The following ANKRD27 variants were observed in gnomAD, a reference collection of about 807,000 sequenced individuals.
ANKRD27 encodes ankyrin repeat domain 27.
In ANKRD27, 112 loss-of-function variants were observed where a neutral mutation model predicts 129.7. That is an observed-to-expected ratio of 0.86 (90% CI 0.74 to 1.01). The LOEUF is 1.01. ANKRD27 is among the 50% of genes least tolerant of loss of function. The pLI, the probability that ANKRD27 is intolerant of heterozygous loss-of-function variation, is 0.00. For missense variants in ANKRD27, 1,258 were observed against 1,300.5 expected, an observed-to-expected ratio of 0.97 and a Z score of 0.50; for synonymous variants, 516 against 511.2, an observed-to-expected ratio of 1.01 and a Z score of -0.13.
chr19:32,636,754 A>G (rs1338756340), intron 12 of ANKRD27, among the ~76,000 whole-genome samples: 1 of 150,124 alleles, frequency 6.7e-6, no homozygotes, highest in Non-Finnish European at 1.5e-5. Flanking sequence ...TTATATATAT[A>G]TACACATATT....
chr19:32,614,080 C>T (rs372108814), intron 22 of ANKRD27, among the ~76,000 whole-genome samples: 2 of 151,710 alleles, frequency 1.3e-5, no homozygotes, highest in Admixed American at 6.6e-5. Context: ...GTGGGGTGGG[C>T]GTGGCAGGGA....
intron 1 of ANKRD27, among the ~76,000 whole-genome samples, chr19:32,666,985 G>A (rs142464912): frequency 6.6e-6 from 1 of 152,244 alleles, no homozygotes; most frequent in African/African-American, 2.4e-5. Flanking sequence ...CCACCTCTCT[G>A]AGCCTCCATC....
chr19:32,605,779 AG>A lies in ANKRD27; in HGVS notation c.2493+55del. The A allele has an allele frequency of 5.0e-6, 8 of 1,595,864 alleles. No homozygotes were observed. The South Asian group carries it at 7.8e-5, about 16-fold the overall frequency. On this transcript the variant is annotated intron_variant, in intron 24 of 28. Coordinates refer to ENST00000306065, the MANE Select transcript of ANKRD27 (RefSeq NM_032139.3). Reference sequence around the variant, plus strand: ...GTGCGCTGCGGGGGTCGCTGGGTGGAGGCGCCCTGTTAACTGGCGCAGGTGT... The same window carrying A: ...GTGCGCTGCGGGGGTCGCTGGGTGGAGCGCCCTGTTAACTGGCGCAGGTGT...
At chr19:32,635,617 C>T (rs1208290565) in intron 12 of ANKRD27, among the ~76,000 whole-genome samples, 1 of 151,990 alleles carries the variant, frequency 6.6e-6, no homozygotes, top group Non-Finnish European at 1.5e-5. Flanking sequence ...CATACATACT[C>T]TAGAATCTTG....
At chr19:32,620,222 T>C (rs969601583) in intron 18 of ANKRD27, among the ~76,000 whole-genome samples, 2 of 150,418 alleles carry the variant, frequency 1.3e-5, no homozygotes, top group Non-Finnish European at 3.0e-5. Context: ...GTAGTTCTTA[T>C]GCTGTGTCCC....
chr19:32,648,261 G>A (rs892100748), intron 3 of ANKRD27, among the ~76,000 whole-genome samples: 3 of 151,042 alleles, frequency 2.0e-5, no homozygotes, highest in South Asian at 4.2e-4. Context: ...GTGAGACTCC[G>A]CCTCAAAAGA....
In ANKRD27 at chr19:32,631,404, T is replaced by C; in HGVS notation, c.1207A>G (p.Lys403Glu). The C allele has an allele frequency of 3.7e-6, 6 of 1,613,674 alleles. No homozygotes were observed. Among genetic ancestry groups the C allele is most frequent in the Non-Finnish European group, 5.1e-6 (6 of 1,179,600 alleles). Reference sequence around the variant, plus strand: ...ACAGAGATGTCTTGGTATCTCACCTTAAACAGGCAGTCGGTGGGAGACGAA... The same window carrying C: ...ACAGAGATGTCTTGGTATCTCACCTCAAACAGGCAGTCGGTGGGAGACGAA... The part of the protein sequence containing the change: ...MTSSPTDCLF[K>E]HIASGNQKEV... Residue 403 changes from lysine to glutamate, a missense_variant and splice_region_variant, in exon 13 of 29, where the codon AAG (lysine) becomes GAG (glutamate). Transcript: ENST00000306065.
At chr19:32,650,743 C>T (rs34094372) in intron 2 of ANKRD27, among the ~76,000 whole-genome samples, 3,420 of 136,998 alleles carry the variant, frequency 0.025, 85 homozygotes, top group East Asian at 0.12. Context: ...CTTTTCTTTA[C>T]GCTTTTATTT....
chr19:32,663,599 G>A (rs932438818), intron 1 of ANKRD27, among the ~76,000 whole-genome samples: 100 of 152,118 alleles, frequency 6.6e-4, no homozygotes, highest in African/African-American at 2.4e-3. Flanking sequence ...CACACAGGTT[G>A]ATAATGCTAC....
chr19:32,642,566 C>T (rs560000385), intron 9 of ANKRD27, among the ~76,000 whole-genome samples: 5 of 152,056 alleles, frequency 3.3e-5, no homozygotes, highest in South Asian at 4.2e-4. Context: ...GGTGAAACCC[C>T]ATCTCTTCTA....
chr19:32,615,845 A>C, intron 21 of ANKRD27, 65 bp from the exon 22 acceptor site: 1 of 1,569,130 alleles, frequency 6.4e-7, no homozygotes, highest in Non-Finnish European at 8.6e-7. Context: ...CAATATCTTA[A>C]ACACACACCA....
chr19:32,624,766 C>T (rs1972064813), intron 17 of ANKRD27, among the ~76,000 whole-genome samples: 1 of 151,680 alleles, frequency 6.6e-6, no homozygotes, highest in Non-Finnish European at 1.5e-5. Flanking sequence ...CATGGCGAAA[C>T]CCTTTCTCTA....
intron 21 of ANKRD27, among the ~76,000 whole-genome samples, chr19:32,617,283 C>T (rs12981373): frequency 0.45 from 67,708 of 151,948 alleles, 16,656 homozygotes; most frequent in Non-Finnish European, 0.57. Flanking sequence ...GTGGCTCACA[C>T]CTGTAATCCA....
At chr19:32,644,153 G>C (rs1967255808) in intron 5 of ANKRD27, among the ~76,000 whole-genome samples, 172 bp downstream of exon 5, 2 of 152,100 alleles carry the variant, frequency 1.3e-5, no homozygotes, top group African/African-American at 4.8e-5. Context: ...GGGAAGACAG[G>C]CTTGTACCAC....
At chr19:32,671,827 T>C (rs776784690) in intron 1 of ANKRD27, among the ~76,000 whole-genome samples, 26 of 152,248 alleles carry the variant, frequency 1.7e-4, no homozygotes, top group Non-Finnish European at 3.7e-4. Context: ...CATCCCTGCC[T>C]GGGCTCAAAT....
chr19:32,633,657 C>A (rs545450341), intron 12 of ANKRD27, among the ~76,000 whole-genome samples: 1 of 151,576 alleles, frequency 6.6e-6, no homozygotes, highest in East Asian at 1.9e-4. Context: ...TTTTTTCATT[C>A]ACAAAGGTAA....
intron 4 of ANKRD27, among the ~76,000 whole-genome samples, chr19:32,646,243 A>AT (rs1314383881): frequency 6.6e-6 from 1 of 151,234 alleles, no homozygotes; most frequent in Admixed American, 6.6e-5. Context: ...GATTTTTTTA[A>AT]TTTTTTTATA....
At chr19:32,654,217 G>A (rs959259427) in intron 2 of ANKRD27, among the ~76,000 whole-genome samples, 41 of 152,008 alleles carry the variant, frequency 2.7e-4, no homozygotes, top group Admixed American at 2.6e-3. Flanking sequence ...GTTTTTAAGT[G>A]ATTTCACATT....
Position 32,598,155 on chromosome 19 carries a change from G to C in ANKRD27, c.3143C>G (p.Ser1048Cys). 6.2e-7 allele frequency: 1 copy of C among 1,614,074 alleles called. No homozygotes were observed. Among genetic ancestry groups the C allele is most frequent in the African/African-American group, 1.3e-5 (1 of 75,030 alleles). The change falls in exon 29 of 29, where the codon TCC (serine) becomes TGC (cysteine). Residue 1048 changes from serine to cysteine, a missense_variant. Transcript: ENST00000306065. ...AACTCCTCATTCCTGTTAGGACCGG[G>C]AAGCACTAACCTCTTGGGGAGTGGA... ...PLSTPQEVSASRS is the reference protein window; with the variant it reads ...PLSTPQEVSACRS
Sources: gnomAD v4.1 joint callset for allele counts (sites outside exome capture counted in the v4.1 genomes callset) on GRCh38, gnomAD v4.1.1 for gene constraint, MANE v1.5 for transcripts, NCBI Gene and HGNC (gene_info 2026-07-23, HGNC 2026-07-21) for gene names.